Variants in SYTL5 observed in about 807,000 individuals in gnomAD.
SYTL5 encodes the protein synaptotagmin-like protein 5.
SYTL5 carries 34 observed loss-of-function variants against 55.9 expected under a neutral mutation model. That is an observed-to-expected ratio of 0.61 (90% CI 0.46 to 0.81). The LOEUF (loss-of-function observed/expected upper bound fraction) is 0.81, where lower values mean the gene tolerates loss of function less well. Ranked by LOEUF, SYTL5 falls within the 30% of genes least tolerant of loss-of-function variation. The pLI is 0.00. For missense variants in SYTL5, 637 were observed against 546.7 expected (o/e 1.17, Z -1.65); for synonymous variants, 221 against 188.7 (o/e 1.17, Z -1.40).
chrX:38,061,422 A>G (rs2024916), intron 3 of SYTL5, among the ~76,000 whole-genome samples: 32,627 of 110,396 alleles, frequency 0.3, 4,065 homozygotes, highest in African/African-American at 0.43. Context: ...CTCTTTGTTT[A>G]TTGTGAGAGA....
At chrX:38,025,433 G>A (rs1003791641) in intron 1 of SYTL5, among the ~76,000 whole-genome samples, 1 of 111,774 alleles carries the variant, frequency 8.9e-6, no homozygotes, top group South Asian at 3.8e-4. Flanking sequence ...GTCCCTTTGT[G>A]ATGCTATGAG....
intron 9 of SYTL5, among the ~76,000 whole-genome samples, chrX:38,098,112 C>A (rs1936983425): frequency 1.8e-5 from 2 of 110,255 alleles, no homozygotes; most frequent in African/African-American, 6.6e-5. Flanking sequence ...GAGAAAATCT[C>A]CATGACTTTC....
chrX:38,028,399 A>T (rs1020523304), intron 1 of SYTL5, among the ~76,000 whole-genome samples: 1 of 112,456 alleles, frequency 8.9e-6, no homozygotes, highest in Admixed American at 9.4e-5. Context: ...GCTTATGCAA[A>T]TAACTATATT....
Position 38,054,247 on chromosome X carries a change from A to G in SYTL5, c.154A>G (p.Arg52Gly). The G allele has an allele frequency of 1.7e-6, 2 of 1,210,758 alleles. No homozygotes were observed. The highest frequency in any genetic ancestry group is 3.5e-5 in the South Asian group (2 of 56,844). Residue 52 changes from arginine (R) to glycine (G), a missense_variant, in exon 3 of 17, where the codon AGA (arginine) becomes GGA (glycine). Arg to Gly is a moderately radical substitution (Grantham distance 125, BLOSUM62 -2). Coordinates refer to ENST00000297875, the MANE Select transcript of SYTL5 (RefSeq NM_138780.3). ...AAATGAACTCTTAGAAGCAAAACGT[A>G]GAAGTGGGAAAACTCAACAAGAGGC... ...LKNELLEAKRRSGKTQQEASR... is the reference protein window; with the variant it reads ...LKNELLEAKRGSGKTQQEASR...
chrX:37,931,917 AT>A, the SYTL5 span, among the ~76,000 whole-genome samples: 1 of 111,148 alleles, frequency 9.0e-6, no homozygotes, highest in Non-Finnish European at 1.9e-5. Flanking sequence ...AGTCTGCTCA[AT>A]TTGAGTTGAC....
chrX:37,917,369 T>C, the SYTL5 span, among the ~76,000 whole-genome samples: 1 of 112,047 alleles, frequency 8.9e-6, no homozygotes, highest in African/African-American at 3.2e-5. Flanking sequence ...ATTTATTCAA[T>C]AATTTATTTG....
the SYTL5 span, among the ~76,000 whole-genome samples, chrX:37,915,017 C>T: frequency 8.9e-6 from 1 of 111,865 alleles, no homozygotes; most frequent in Admixed American, 9.5e-5. Flanking sequence ...CTCTCTGCGC[C>T]TGTGTCCATT....
chrX:38,011,644 A>AG (rs1934194564), intron 1 of SYTL5, among the ~76,000 whole-genome samples: 1 of 109,683 alleles, frequency 9.1e-6, no homozygotes, highest in Non-Finnish European at 1.9e-5. Flanking sequence ...AAAAAAAAAA[A>AG]AAAGAGAGTA....
At chrX:37,936,578 G>C in the SYTL5 span, among the ~76,000 whole-genome samples, 1 of 112,010 alleles carries the variant, frequency 8.9e-6, no homozygotes, top group Non-Finnish European at 1.9e-5. Context: ...TTGATAGCCA[G>C]CTATTGAGGA....
the SYTL5 span, among the ~76,000 whole-genome samples, chrX:37,943,705 G>C: frequency 9.0e-6 from 1 of 111,554 alleles, no homozygotes; most frequent in Non-Finnish European, 1.9e-5. Flanking sequence ...CTAGGTTAAA[G>C]GAGGGAGTCT....
chrX:37,914,267 C>G, the SYTL5 span, among the ~76,000 whole-genome samples: 4 of 111,632 alleles, frequency 3.6e-5, no homozygotes, highest in Admixed American at 3.8e-4. Flanking sequence ...GAAGCAGGAA[C>G]TCTCCTTAGG....
the SYTL5 span, among the ~76,000 whole-genome samples, chrX:37,992,208 A>T: frequency 8.8e-6 from 1 of 113,141 alleles, no homozygotes; most frequent in Non-Finnish European, 1.9e-5. Flanking sequence ...CCTCTAAAGC[A>T]CATGCAATCC....
At chrX:37,907,755 C>T in the SYTL5 span, among the ~76,000 whole-genome samples, 1 of 112,220 alleles carries the variant, frequency 8.9e-6, no homozygotes, top group Admixed American at 9.4e-5. Context: ...TCTTTCTCTT[C>T]ACTCCTAAAA....
intron 11 of SYTL5, among the ~76,000 whole-genome samples, chrX:38,106,973 A>G (rs972712284): frequency 8.9e-6 from 1 of 112,640 alleles, no homozygotes; most frequent in Non-Finnish European, 1.9e-5. Context: ...ACTGATTTTT[A>G]AAACATAATT....
chrX:38,110,758 C>A (rs1327131421), intron 13 of SYTL5, among the ~76,000 whole-genome samples: 1 of 111,544 alleles, frequency 9.0e-6, no homozygotes, highest in African/African-American at 3.3e-5. Flanking sequence ...TAACTGAAAG[C>A]AACACATTAT....
the SYTL5 span, among the ~76,000 whole-genome samples, chrX:37,950,996 G>A: frequency 6.4e-5 from 7 of 109,506 alleles, no homozygotes; most frequent in Non-Finnish European, 1.3e-4. Context: ...GGAAGAAATT[G>A]GAATATGTGT....
the SYTL5 span, among the ~76,000 whole-genome samples, chrX:37,910,416 A>T: frequency 8.9e-6 from 1 of 112,384 alleles, no homozygotes; most frequent in Non-Finnish European, 1.9e-5. Context: ...CCAAATAGTT[A>T]TATTTAGAGC....
At chrX:37,975,931 T>A in the SYTL5 span, among the ~76,000 whole-genome samples, 935 of 111,613 alleles carry the variant, frequency 8.4e-3, 6 homozygotes, top group Middle Eastern at 0.019. Flanking sequence ...ACTGGATGAA[T>A]GTGCCAACTC....
upstream of SYTL5, among the ~76,000 whole-genome samples, chrX:38,005,327 G>A (rs2147276511): frequency 9.0e-6 from 1 of 111,425 alleles, no homozygotes; most frequent in East Asian, 2.8e-4. Flanking sequence ...AATTCAACAT[G>A]CAAAGAAACA....
Sources: allele counts gnomAD v4.1 joint callset (sites outside exome capture counted in the v4.1 genomes callset), GRCh38; gene constraint gnomAD v4.1.1; transcripts MANE v1.5; gene names NCBI Gene and HGNC (gene_info 2026-07-23, HGNC 2026-07-21).